LYPD5: variants seen among roughly 807,000 people sequenced by gnomAD.
LYPD5 encodes the protein LY6/PLAUR domain containing 5.
Under a neutral mutation model 19.1 loss-of-function variants are expected in LYPD5, and 21 were observed. That is an observed-to-expected ratio of 1.10 (90% CI 0.78 to 1.58). The LOEUF (loss-of-function observed/expected upper bound fraction) is 1.58. Ranked by LOEUF, LYPD5 falls within the 40% of genes most tolerant of loss-of-function variation. The pLI is 0.00. For synonymous variants in LYPD5, 128 were observed against 142.7 expected, an observed-to-expected ratio of 0.90 and a Z score of 0.74; for missense variants, 287 against 329.8, an observed-to-expected ratio of 0.87 and a Z score of 1.00.
At chr19:43,811,066 C>T (rs889832224) in intron 1 of LYPD5, among the ~76,000 whole-genome samples, 50 of 152,084 alleles carry the variant, frequency 3.3e-4, no homozygotes, top group African/African-American at 1.1e-3. Flanking sequence ...TATTAAATAT[C>T]CTTTGTATTT....
At chr19:43,816,089 G>A (rs1185173736) in intron 1 of LYPD5, among the ~76,000 whole-genome samples, 1 of 148,872 alleles carries the variant, frequency 6.7e-6, no homozygotes, top group African/African-American at 2.6e-5. Flanking sequence ...TACCTATCAT[G>A]TATCTATCAC....
chr19:43,801,436 G>C lies in LYPD5; in HGVS notation c.64+881C>G, dbSNP rs548641712. On this transcript the variant is annotated intron_variant, in intron 1 of 4. Transcript: ENST00000377950. ...GGATTGCTTGGGCCCAGGAGGTCAA[G>C]ACTTCAGTGAGCTGTGATTGTGCCA... Among the ~76,000 whole-genome samples, 334 of 152,224 alleles carry C rather than the reference G, an allele frequency of 2.2e-3. 1 individual carries two copies. The highest frequency in any genetic ancestry group is 7.8e-3 in the African/African-American group (325 of 41,522).
At chr19:43,804,736 C>G (rs1970256354), upstream of LYPD5, among the ~76,000 whole-genome samples, 1 of 152,104 alleles carries the variant, frequency 6.6e-6, no homozygotes, top group Non-Finnish European at 1.5e-5. Context: ...GCCCCAGGCT[C>G]TCAGTGGGGG....
chr19:43,810,575 C>T (rs111266174), intron 1 of LYPD5, among the ~76,000 whole-genome samples: 21,302 of 111,326 alleles, frequency 0.19, 2,338 homozygotes, highest in Non-Finnish European at 0.22. Flanking sequence ...CCTCCCCTCC[C>T]CTCCCTTCCC....
chr19:43,798,074 A>G (rs1568402794), intron 4 of LYPD5, among the ~76,000 whole-genome samples: 1 of 135,404 alleles, frequency 7.4e-6, no homozygotes, highest in Non-Finnish European at 1.6e-5. Flanking sequence ...CTCCTCCCCC[A>G]GACCAGGGTT....
In LYPD5 at chr19:43,799,775, T is replaced by C; in HGVS notation, c.124A>G (p.Arg42Gly). 1 of 1,613,782 alleles carries C rather than the reference T, an allele frequency of 6.2e-7. No individual in the cohort carries two copies. Among genetic ancestry groups the C allele is most frequent in the Non-Finnish European group, 8.5e-7 (1 of 1,179,850 alleles). Residue 42 changes from arginine (R) to glycine (G), a missense_variant, in exon 2 of 5, where the codon AGG becomes GGG. Coordinates refer to ENST00000377950, the MANE Select transcript of LYPD5 (RefSeq NM_001031749.3). ...GAGATGCTGGGCAGCTTCATGGCCC[T>C]GAGGTCAAAGGGGCCAAAGTAGGTG... ...EHTYFGPFDL[R>G]AMKLPSISCP...
At chr19:43,803,751 C>T (rs1253571360), upstream of LYPD5, among the ~76,000 whole-genome samples, 1 of 152,062 alleles carries the variant, frequency 6.6e-6, no homozygotes, top group Non-Finnish European at 1.5e-5. Context: ...TGACTGAATG[C>T]GTGGAGGTAG....
chr19:43,819,125 G>A (rs554506694), intron 1 of LYPD5, among the ~76,000 whole-genome samples: 2 of 151,648 alleles, frequency 1.3e-5, no homozygotes, highest in Non-Finnish European at 2.9e-5. Flanking sequence ...GCAGTTGTTG[G>A]CATTTAGCCT....
At chr19:43,812,010 T>A (rs937991555) in intron 1 of LYPD5, among the ~76,000 whole-genome samples, 1 of 152,128 alleles carries the variant, frequency 6.6e-6, no homozygotes, top group Non-Finnish European at 1.5e-5. Flanking sequence ...GGCTCTGTCA[T>A]GTGCTTGTGG....
rs143687925 is a variant in LYPD5 at position 43,815,583 on chromosome 19, A to C, written c.-66+4957T>G. Among the ~76,000 whole-genome samples, 435 of 152,070 alleles carry C rather than the reference A, an allele frequency of 2.9e-3. 2 individuals carry two copies. Among genetic ancestry groups the C allele is most frequent in the Non-Finnish European group, 5.1e-3 (347 of 67,990 alleles). ...GAGCAAGACTCTGTCTAAAACAAAA[A>C]CAAAACCAAAAACCAGCTATAAAAG... On this transcript the variant is annotated intron_variant, in intron 1 of 4. Transcript: ENST00000414615.
intron 1 of LYPD5, among the ~76,000 whole-genome samples, chr19:43,801,083 C>T (rs1405341536): frequency 2.0e-5 from 3 of 149,132 alleles, no homozygotes; most frequent in Non-Finnish European, 4.4e-5. Context: ...ATTGGTCAGG[C>T]ATGGTGGTGT....
chr19:43,799,655 C>A (rs376531706), intron 2 of LYPD5, 51 bp downstream of exon 2: 112 of 1,561,956 alleles, frequency 7.2e-5, no homozygotes, highest in East Asian at 9.2e-5. Context: ...CCCTCTCCCC[C>A]CTTTTTCCTC....
At chr19:43,802,478 GC>G, upstream of LYPD5, 1 of 1,150,180 alleles carries the variant, frequency 8.7e-7, no homozygotes, top group Non-Finnish European at 1.3e-6. Flanking sequence ...ACCCAGCCTG[GC>G]CAGTATTTCT....
intron 1 of LYPD5, among the ~76,000 whole-genome samples, chr19:43,816,188 G>A (rs965565385): frequency 5.9e-5 from 9 of 152,060 alleles, no homozygotes; most frequent in South Asian, 2.1e-4. Context: ...TTACCTTAAG[G>A]GAGATACTAT....
chr19:43,812,385 C>CTATCT (rs377462346), intron 1 of LYPD5, among the ~76,000 whole-genome samples: 7 of 97,852 alleles, frequency 7.2e-5, no homozygotes, highest in Non-Finnish European at 1.7e-4. Flanking sequence ...ATCAATCTAT[C>CTATCT]ATCTATCTAT....
In LYPD5 at chr19:43,797,558, T is replaced by A. The variant is rs768773562; in HGVS notation, c.*33A>T. On this transcript the variant is annotated 3_prime_UTR_variant, in exon 5 of 5. Coordinates refer to ENST00000377950, the MANE Select transcript of LYPD5 (RefSeq NM_001031749.3). Reference sequence around the variant, plus strand: ...GCTGAAGCAGCAAGAATGAGGTGTGTGAGCCCTGTCCCCAGCATCCTGGAG... The same window carrying A: ...GCTGAAGCAGCAAGAATGAGGTGTGAGAGCCCTGTCCCCAGCATCCTGGAG... The A allele has an allele frequency of 2.7e-6, 4 of 1,500,328 alleles. No homozygotes were observed. In the Admixed American group the frequency reaches 7.3e-5, roughly 28 times the overall value. 92.9% of individuals were successfully genotyped at this position (1,500,328 alleles called of 1,614,324 possible).
chr19:43,816,957 T>C (rs1176719762), intron 1 of LYPD5, among the ~76,000 whole-genome samples: 2 of 152,248 alleles, frequency 1.3e-5, no homozygotes, highest in African/African-American at 4.8e-5. Context: ...GCTATGATTG[T>C]GAGGCCTCCC....
intron 1 of LYPD5, among the ~76,000 whole-genome samples, chr19:43,818,412 T>G (rs1371369418): frequency 1.3e-5 from 2 of 152,112 alleles, no homozygotes; most frequent in African/African-American, 4.8e-5. Flanking sequence ...TGCTATCAAG[T>G]GTAATTGATT....
Position 43,798,810 on chromosome 19 carries a change from A to T in LYPD5, c.370+2T>A. The T allele has an allele frequency of 1.9e-6, 3 of 1,607,196 alleles. No individual in the cohort carries two copies. Among genetic ancestry groups the T allele is most frequent in the Non-Finnish European group, 2.5e-6 (3 of 1,176,870 alleles). On this transcript the variant is annotated splice_donor_variant, in intron 3 of 4. Transcript: ENST00000377950. LOFTEE classifies it high-confidence loss of function. ...GGAGCCCAGCCCCGCTCTCCCGCGC[A>T]CCTTGGCTCAGGTTGGGGAGGGCGT...
Sources: gnomAD v4.1 joint callset for allele counts (sites outside exome capture counted in the v4.1 genomes callset) on GRCh38, gnomAD v4.1.1 for gene constraint, MANE v1.5 for transcripts, NCBI Gene and HGNC (gene_info 2026-07-23, HGNC 2026-07-21) for gene names.